GRM5: variants seen among roughly 807,000 people sequenced by gnomAD.
The protein encoded by GRM5 is metabotropic glutamate receptor 5.
GRM5 carries 19 observed loss-of-function variants against 83.1 expected under a neutral mutation model. The observed-to-expected ratio is 0.23, with a 90% CI of 0.16 to 0.34. The LOEUF (loss-of-function observed/expected upper bound fraction) is 0.34, where lower values mean the gene tolerates loss of function less well. Ranked by LOEUF, GRM5 falls within the 10% of genes least tolerant of loss-of-function variation. The pLI is 1.00. For synonymous variants in GRM5, 675 were observed against 633.6 expected (o/e 1.07, Z -0.98); for missense variants, 1,160 against 1,588.3 (o/e 0.73, Z 4.58).
At chr11:88,612,257 G>A (rs1938341440) in intron 4 of GRM5, among the ~76,000 whole-genome samples, 1 of 149,652 alleles carries the variant, frequency 6.7e-6, no homozygotes, top group Non-Finnish European at 1.5e-5. Context: ...TGAGAATGAT[G>A]ATTTCCAATT....
chr11:88,811,116 C>A lies in GRM5; in HGVS notation c.911+38790G>T, dbSNP rs141407154. On this transcript the variant is annotated intron_variant, in intron 3 of 9. Transcript: ENST00000305447. ...CACCTTTTTTTGTTTTTTTTCCATT[C>A]TCAAGATGCTATGCCTTAACAACAC... Among the ~76,000 whole-genome samples the A allele has an allele frequency of 5.4e-4, 82 of 151,830 alleles. 1 individual carries two copies. In the East Asian group the frequency reaches 0.016, roughly 29 times the overall value.
chr11:88,887,555 G>C (rs1945064857), intron 2 of GRM5, among the ~76,000 whole-genome samples: 1 of 152,152 alleles, frequency 6.6e-6, no homozygotes, highest in Non-Finnish European at 1.5e-5. Context: ...TGTTTCCATA[G>C]CTGGCAGTCA....
At chr11:88,908,051 G>A (rs910545258) in intron 2 of GRM5, among the ~76,000 whole-genome samples, 1 of 151,946 alleles carries the variant, frequency 6.6e-6, no homozygotes, top group Admixed American at 6.6e-5. Flanking sequence ...AGAAAACATG[G>A]GAATATGCCC....
chr11:88,657,979 T>C (rs572759520), intron 3 of GRM5, among the ~76,000 whole-genome samples: 4 of 152,078 alleles, frequency 2.6e-5, no homozygotes, highest in Non-Finnish European at 5.9e-5. Context: ...ATACCAATCT[T>C]GTAGAGCAGG....
chr11:88,986,639 A>G (rs568251791), intron 2 of GRM5, among the ~76,000 whole-genome samples: 1 of 151,972 alleles, frequency 6.6e-6, no homozygotes, highest in South Asian at 2.1e-4. Context: ...ATCCTCTTCC[A>G]AGCCATAGGT....
intron 2 of GRM5, among the ~76,000 whole-genome samples, chr11:88,937,477 GCTTCATTTAT>G (rs1565300382): frequency 6.6e-6 from 1 of 151,542 alleles, no homozygotes; most frequent in Admixed American, 6.6e-5. Flanking sequence ...AATTTGCATA[GCTTCATTTAT>G]CAGTAGTATT....
intron 2 of GRM5, among the ~76,000 whole-genome samples, chr11:89,030,561 A>G (rs1006503775): frequency 2.6e-5 from 4 of 152,254 alleles, no homozygotes; most frequent in Non-Finnish European, 5.9e-5. Context: ...GCATTATTGT[A>G]AGGACTAAAT....
chr11:88,740,834 G>C (rs543599948), intron 3 of GRM5, among the ~76,000 whole-genome samples: 1 of 152,038 alleles, frequency 6.6e-6, no homozygotes, highest in Non-Finnish European at 1.5e-5. Flanking sequence ...AGCAGAATTT[G>C]CTTCCAAGAG....
chr11:88,665,963 G>C (rs767360841), intron 3 of GRM5, among the ~76,000 whole-genome samples: 18 of 152,198 alleles, frequency 1.2e-4, no homozygotes, highest in Admixed American at 4.6e-4. Context: ...GAAGCACCAG[G>C]TGAGCTTTGA....
At chr11:88,850,880 A>AG (rs11419564) in intron 2 of GRM5, among the ~76,000 whole-genome samples, 66,521 of 151,818 alleles carry the variant, frequency 0.44, 14,859 homozygotes, top group African/African-American at 0.5. Context: ...ATTAATGAAA[A>AG]GGGGATTAAT....
chr11:88,509,570 C>T, intron 9 of GRM5, 66 bp from the exon 10 acceptor site: 8 of 1,220,880 alleles, frequency 6.6e-6, no homozygotes, highest in Non-Finnish European at 9.5e-6. Context: ...TGCCGCTTCC[C>T]CAATGGTGGT....
chr11:88,808,649 C>G (rs1203797550), intron 3 of GRM5, among the ~76,000 whole-genome samples: 1 of 151,872 alleles, frequency 6.6e-6, no homozygotes, highest in Admixed American at 6.6e-5. Flanking sequence ...TCAGTGTCAT[C>G]ATGTTATATT....
At chr11:88,997,727 C>T (rs1156839659) in intron 2 of GRM5, among the ~76,000 whole-genome samples, 1 of 151,974 alleles carries the variant, frequency 6.6e-6, no homozygotes, top group East Asian at 1.9e-4. Context: ...CCATGAAATG[C>T]ATAGACAATC....
At chr11:89,045,467 G>A (rs1032289367) in intron 2 of GRM5, among the ~76,000 whole-genome samples, 24 of 151,996 alleles carry the variant, frequency 1.6e-4, no homozygotes, top group African/African-American at 5.8e-4. Context: ...ATACAGAAAT[G>A]CCCCTTGTTT....
Position 88,567,064 on chromosome 11 carries a change from C to A in GRM5, c.2619G>T (p.Gly873=), listed in dbSNP as rs1382110954. ...VNLWKRRGSS[G]ETLRYKDRRL... is the part of the protein sequence containing the mutation. ...CCCACAACTTTTACCTTAAGGTTTC[C>A]CCAGAGGAGCCCCTTCTCTTCCACA... Residue 873 remains glycine, a synonymous_variant, in exon 8 of 10, where the codon GGG becomes GGT. Transcript: ENST00000305447. The surrounding 1 kb of genome is among the most constrained non-coding windows in gnomAD (Gnocchi z 7.3). The A allele has an allele frequency of 4.4e-6, 7 of 1,608,340 alleles. 1 individual carries two copies. The Middle Eastern group carries it at 6.6e-4, about 152-fold the overall frequency.
chr11:88,644,682 C>T (rs141785069), intron 4 of GRM5, among the ~76,000 whole-genome samples: 1 of 152,038 alleles, frequency 6.6e-6, no homozygotes, highest in East Asian at 1.9e-4. Flanking sequence ...GCATCTCTGT[C>T]CAAGGGTAGA....
chr11:89,018,695 G>A (rs1940914407), intron 2 of GRM5, among the ~76,000 whole-genome samples: 1 of 152,034 alleles, frequency 6.6e-6, no homozygotes, highest in Non-Finnish European at 1.5e-5. Context: ...ATGGTGATGG[G>A]GGATAGTGGG....
chr11:88,715,661 T>C (rs1291143625), intron 3 of GRM5, among the ~76,000 whole-genome samples: 1 of 152,028 alleles, frequency 6.6e-6, no homozygotes, highest in African/African-American at 2.4e-5. Context: ...ATGCTGACGG[T>C]GTACTGTGAT....
chr11:89,043,643 A>G (rs1213660917), intron 2 of GRM5, among the ~76,000 whole-genome samples: 3 of 151,982 alleles, frequency 2.0e-5, no homozygotes, highest in African/African-American at 7.3e-5. Flanking sequence ...TAGAGACTAA[A>G]GTGAGAGGGA....
Sources: allele counts gnomAD v4.1 joint callset (sites outside exome capture counted in the v4.1 genomes callset), GRCh38; gene constraint gnomAD v4.1.1; non-coding constraint Gnocchi (gnomAD v3.1); transcripts MANE v1.5; gene names NCBI Gene and HGNC (gene_info 2026-07-23, HGNC 2026-07-21).